VGLL4: variants seen among roughly 807,000 people sequenced by gnomAD.
The protein encoded by VGLL4 is vestigial like family member 4, also known as transcription cofactor vestigial-like protein 4.
Under a neutral mutation model 21.0 loss-of-function variants are expected in VGLL4, and 7 were observed. That is an observed-to-expected ratio of 0.33 (90% CI 0.19 to 0.63). VGLL4 has a LOEUF of 0.63. Ranked by LOEUF, VGLL4 falls within the 20% of genes least tolerant of loss-of-function variation. VGLL4 has a pLI of 0.78. For missense variants in VGLL4, 394 were observed against 425.7 expected (o/e 0.93, Z 0.66); for synonymous variants, 222 against 173.2 (o/e 1.28, Z -2.21).
chr3:11,617,704 G>A (rs1037882109), intron 1 of VGLL4, among the ~76,000 whole-genome samples: 1 of 152,132 alleles, frequency 6.6e-6, no homozygotes, highest in African/African-American at 2.4e-5. Context: ...CCCTTCCTTC[G>A]TATAAATTGA....
Position 11,558,120 on chromosome 3 carries a change from C to T in VGLL4, c.*436G>A, listed in dbSNP as rs2072609128. 2 of 219,078 alleles carry T rather than the reference C, an allele frequency of 9.1e-6. No homozygotes were observed. The highest frequency in any genetic ancestry group is 1.8e-5 in the Non-Finnish European group (2 of 108,882). The allele number at this position is 219,078 out of a possible 1,614,324, so 13.6% of individuals were successfully genotyped here. On this transcript the variant is annotated 3_prime_UTR_variant, in exon 5 of 5. Coordinates refer to ENST00000430365, the MANE Select transcript of VGLL4 (RefSeq NM_001128219.3). ...CTCTTCAAGTATACACACGCACACA[C>T]ATGGACCGAACCAAACACGCCGTGG...
chr3:11,659,693 C>T (rs931808852), intron 2 of VGLL4, among the ~76,000 whole-genome samples: 2 of 151,820 alleles, frequency 1.3e-5, no homozygotes, highest in Non-Finnish European at 2.9e-5. Flanking sequence ...TGGCATGGGC[C>T]CTTAAAAGAA....
At chr3:11,625,250 C>T (rs1424584955) in intron 1 of VGLL4, among the ~76,000 whole-genome samples, 3 of 152,200 alleles carry the variant, frequency 2.0e-5, no homozygotes, top group Non-Finnish European at 4.4e-5. Flanking sequence ...TAATTCATCT[C>T]TGGCAGTCCA....
chr3:11,575,027 G>T (rs934440822), intron 2 of VGLL4, among the ~76,000 whole-genome samples: 4 of 152,100 alleles, frequency 2.6e-5, no homozygotes, highest in Non-Finnish European at 5.9e-5. Context: ...CATTACTCCT[G>T]CATCTCCTCC....
intron 2 of VGLL4, among the ~76,000 whole-genome samples, chr3:11,678,471 C>A (rs1388403004): frequency 6.6e-6 from 1 of 152,226 alleles, no homozygotes; most frequent in African/African-American, 2.4e-5. Flanking sequence ...GACTTAATGA[C>A]CTTTCTGCAG....
chr3:11,631,421 C>A (rs138087116), intron 1 of VGLL4, among the ~76,000 whole-genome samples: 1 of 152,118 alleles, frequency 6.6e-6, no homozygotes, highest in Non-Finnish European at 1.5e-5. Flanking sequence ...AAAAGAAACA[C>A]AAATCTGAGT....
At chr3:11,674,576 A>T (rs1008207017) in intron 2 of VGLL4, among the ~76,000 whole-genome samples, 13 of 152,192 alleles carry the variant, frequency 8.5e-5, no homozygotes, top group Non-Finnish European at 1.3e-4. Flanking sequence ...CAGAGATGAA[A>T]ATTCAAACCC....
At chr3:11,717,340 G>A (rs567030853) in intron 1 of VGLL4, among the ~76,000 whole-genome samples, 16 of 151,688 alleles carry the variant, frequency 1.1e-4, no homozygotes, top group South Asian at 2.1e-4. Context: ...TTTTACTAAG[G>A]CAAATTAAAA....
chr3:11,565,353 G>T lies in VGLL4; in HGVS notation c.273-334C>A, dbSNP rs568020611. On this transcript the variant is annotated intron_variant, in intron 2 of 4. Coordinates refer to ENST00000430365, the MANE Select transcript of VGLL4 (RefSeq NM_001128219.3). The surrounding 1 kb of genome is among the most constrained non-coding windows in gnomAD (Gnocchi z 4.1). ...GGGGAGCTGGAGGCCAAGCTGGTTC[G>T]ATAAGGACCTGCCATTTGGACAGGA... is the stretch of plus-strand genomic sequence containing the variant. Among the ~76,000 whole-genome samples, 1 of 152,176 alleles carries T rather than the reference G, an allele frequency of 6.6e-6. No individual in the cohort carries two copies. Among genetic ancestry groups the T allele is most frequent in the Non-Finnish European group, 1.5e-5 (1 of 68,042 alleles).
chr3:11,662,673 G>C (rs1233089376), intron 2 of VGLL4, among the ~76,000 whole-genome samples: 1 of 152,194 alleles, frequency 6.6e-6, no homozygotes, highest in Non-Finnish European at 1.5e-5. Context: ...AATGAGACAG[G>C]AACAGAAGTC....
At chr3:11,562,039 A>C (rs566219736) in intron 3 of VGLL4, among the ~76,000 whole-genome samples, 22 of 151,982 alleles carry the variant, frequency 1.4e-4, no homozygotes, top group African/African-American at 5.3e-4. Context: ...CTGGGATTAC[A>C]GGCACCCACC....
intron 2 of VGLL4, among the ~76,000 whole-genome samples, chr3:11,577,963 C>A (rs1299695119): frequency 6.6e-6 from 1 of 152,198 alleles, no homozygotes; most frequent in East Asian, 1.9e-4. Context: ...CCACAGGGCA[C>A]ATGCCACAAG....
At chr3:11,625,977 G>A (rs1368633758) in intron 1 of VGLL4, among the ~76,000 whole-genome samples, 2 of 152,158 alleles carry the variant, frequency 1.3e-5, no homozygotes, top group Non-Finnish European at 2.9e-5. Context: ...AGTGATAACT[G>A]TACAACTCTG....
chr3:11,619,336 C>T (rs1559903999), intron 1 of VGLL4, among the ~76,000 whole-genome samples: 2 of 152,112 alleles, frequency 1.3e-5, no homozygotes, highest in Non-Finnish European at 2.9e-5. Context: ...AAATGCTTTC[C>T]TACTGGATAT....
intron 2 of VGLL4, among the ~76,000 whole-genome samples, chr3:11,596,599 C>G (rs1018414233): frequency 6.6e-6 from 1 of 152,140 alleles, no homozygotes; most frequent in African/African-American, 2.4e-5. Flanking sequence ...TCTCCTAGCT[C>G]TTTCCATGGA....
chr3:11,675,412 T>A, intron 2 of VGLL4, among the ~76,000 whole-genome samples: 1 of 152,130 alleles, frequency 6.6e-6, no homozygotes, highest in Non-Finnish European at 1.5e-5. Context: ...CTATGCGTGA[T>A]GTGCTTACTA....
At chr3:11,647,846 C>T (rs1559922494), upstream of VGLL4, among the ~76,000 whole-genome samples, 1 of 152,160 alleles carries the variant, frequency 6.6e-6, no homozygotes. Flanking sequence ...TTCATTTCCC[C>T]ATCCCTACTT....
intron 1 of VGLL4, among the ~76,000 whole-genome samples, chr3:11,642,673 T>G (rs1235408913): frequency 6.6e-6 from 1 of 152,230 alleles, no homozygotes; most frequent in Non-Finnish European, 1.5e-5. Context: ...TTTCTCTGAC[T>G]GCTACCAGAG....
intron 3 of VGLL4, among the ~76,000 whole-genome samples, chr3:11,561,804 C>G (rs1390797373): frequency 6.6e-6 from 1 of 151,844 alleles, no homozygotes; most frequent in Non-Finnish European, 1.5e-5. Flanking sequence ...CCACCTGTGA[C>G]TGTCCTCAGA....
Sources: gnomAD v4.1 joint callset for allele counts (sites outside exome capture counted in the v4.1 genomes callset) on GRCh38, gnomAD v4.1.1 for gene constraint, Gnocchi (gnomAD v3.1) non-coding constraint, MANE v1.5 for transcripts, NCBI Gene and HGNC (gene_info 2026-07-23, HGNC 2026-07-21) for gene names.